The following RAB35 variants were observed in gnomAD, a reference collection of about 807,000 sequenced individuals.
The protein encoded by RAB35 is RAB35, member RAS oncogene family, also known as ras-related protein Rab-35.
Under a neutral mutation model 28.9 loss-of-function variants are expected in RAB35, and 4 were observed. The observed-to-expected ratio is 0.14, with a 90% CI of 0.07 to 0.32. The LOEUF is 0.32. RAB35 is among the 10% of genes least tolerant of loss of function. The pLI, the probability that RAB35 is intolerant of heterozygous loss-of-function variation, is 1.00. For synonymous variants in RAB35, 99 were observed against 105.1 expected (o/e 0.94, Z 0.35); for missense variants, 128 against 274.0 (o/e 0.47, Z 3.76).
rs772088035 is a variant in RAB35, at chr12:120,095,140, G to C, written c.*2105C>G. On this transcript the variant is annotated 3_prime_UTR_variant, in exon 6 of 6. Transcript: ENST00000229340. Reference sequence around the variant, plus strand: ...TTTATTTTTAGTATTTTTTTAAAAAGCATAATTAGAAACTTTCAATACAGA... The same window carrying C: ...TTTATTTTTAGTATTTTTTTAAAAACCATAATTAGAAACTTTCAATACAGA... 9 of 152,330 alleles carry C rather than the reference G, an allele frequency of 5.9e-5. No individual in the cohort carries two copies. Among genetic ancestry groups the C allele is most frequent in the Non-Finnish European group, 1.2e-4 (8 of 68,038 alleles). The allele number at this position is 152,330 out of a possible 1,614,324, so 9.4% of individuals were successfully genotyped here. A position where few individuals can be genotyped will look rare whatever the true frequency, so the allele number is the denominator to read the frequency against.
At chr12:120,102,698 C>T (rs1205546458) in intron 3 of RAB35, among the ~76,000 whole-genome samples, 1 of 152,214 alleles carries the variant, frequency 6.6e-6, no homozygotes, top group Admixed American at 6.5e-5. Context: ...ACACTTCCCA[C>T]CCTCGGGAGA....
At chr12:120,115,439 A>C (rs112553806) in intron 1 of RAB35, among the ~76,000 whole-genome samples, 3 of 152,058 alleles carry the variant, frequency 2.0e-5, no homozygotes, top group Non-Finnish European at 4.4e-5. Flanking sequence ...CTGGTCTACA[A>C]ACTGAGCATG....
At chr12:120,110,502 G>A (rs946297442) in intron 1 of RAB35, among the ~76,000 whole-genome samples, 5 of 151,842 alleles carry the variant, frequency 3.3e-5, no homozygotes, top group African/African-American at 4.8e-5. Context: ...CAATCTGCCC[G>A]CTTCTGCCTC....
intron 2 of RAB35, among the ~76,000 whole-genome samples, chr12:120,107,939 C>T (rs1430603201): frequency 6.8e-6 from 1 of 146,180 alleles, no homozygotes; most frequent in African/African-American, 2.6e-5. Flanking sequence ...GCTGAAAACA[C>T]AACCAGAAGT....
At chr12:120,099,000 A>C (rs1594237274) in intron 4 of RAB35, 30 bp downstream of exon 4, 1 of 1,613,802 alleles carries the variant, frequency 6.2e-7, no homozygotes. Context: ...CTCCCACCCA[A>C]CCCCGACCCG....
chr12:120,105,626 A>G (rs1292683251), intron 2 of RAB35, among the ~76,000 whole-genome samples: 1 of 152,134 alleles, frequency 6.6e-6, no homozygotes, highest in Non-Finnish European at 1.5e-5. Flanking sequence ...CCCCACAACA[A>G]AAATCACAGG....
At chr12:120,109,722 T>C (rs1020703477) in intron 1 of RAB35, among the ~76,000 whole-genome samples, 11 of 150,616 alleles carry the variant, frequency 7.3e-5, no homozygotes, top group Non-Finnish European at 1.5e-4. Flanking sequence ...CAAGTTGGTC[T>C]CAAACTTCTG....
chr12:120,097,167 CTGTCCCCCGAG>C lies in RAB35; in HGVS notation c.*67_*77del, dbSNP rs762452724. 1.3e-5 allele frequency: 21 copies of C among 1,613,122 alleles called. No individual in the cohort carries two copies. In the Admixed American group the frequency reaches 3.5e-4, roughly 27 times the overall value. On this transcript the variant is annotated 3_prime_UTR_variant, in exon 6 of 6. Coordinates refer to ENST00000229340, the MANE Select transcript of RAB35 (RefSeq NM_006861.7). ...TTTAAATAACGGCACGAAACTGAGACTGTCCCCCGAGGAACCTCCGTGGGCCTCGGGCTGGG... is the reference window on the plus strand; with the variant it reads ...TTTAAATAACGGCACGAAACTGAGACGAACCTCCGTGGGCCTCGGGCTGGG...
chr12:120,112,558 G>A (rs1876161430), intron 1 of RAB35, among the ~76,000 whole-genome samples: 1 of 151,466 alleles, frequency 6.6e-6, no homozygotes, highest in Non-Finnish European at 1.5e-5. Flanking sequence ...AGCCTCCCAA[G>A]TAGCTGAGAC....
chr12:120,108,070 A>G (rs976789015), intron 2 of RAB35, among the ~76,000 whole-genome samples: 1 of 152,022 alleles, frequency 6.6e-6, no homozygotes, highest in Non-Finnish European at 1.5e-5. Flanking sequence ...TCAGAAAGAC[A>G]CACGCTGACC....
chr12:120,112,015 C>G (rs1415843076), intron 1 of RAB35, among the ~76,000 whole-genome samples: 1 of 151,086 alleles, frequency 6.6e-6, no homozygotes, highest in Non-Finnish European at 1.5e-5. Flanking sequence ...GAGTCTCACT[C>G]TGTCGCCCAG....
At chr12:120,106,719 G>T (rs2139056089) in intron 2 of RAB35, among the ~76,000 whole-genome samples, 1 of 151,168 alleles carries the variant, frequency 6.6e-6, no homozygotes, top group African/African-American at 2.4e-5. Context: ...CTCCTGAGTA[G>T]CCGGGATTAC....
At chr12:120,106,596 T>C (rs1013334563) in intron 2 of RAB35, among the ~76,000 whole-genome samples, 3 of 148,348 alleles carry the variant, frequency 2.0e-5, no homozygotes, top group South Asian at 2.2e-4. Flanking sequence ...TTTTTCTTTT[T>C]TTTTTTTTTT....
chr12:120,111,433 G>A (rs1876112831), intron 1 of RAB35, among the ~76,000 whole-genome samples: 1 of 152,096 alleles, frequency 6.6e-6, no homozygotes, highest in Admixed American at 6.6e-5. Flanking sequence ...CGTAATCCCA[G>A]CACTTTGGGA....
At chr12:120,115,837 C>T (rs1876308251) in intron 1 of RAB35, among the ~76,000 whole-genome samples, 1 of 152,204 alleles carries the variant, frequency 6.6e-6, no homozygotes, top group African/African-American at 2.4e-5. Context: ...ACAGTGACAA[C>T]TCACTATGTG....
chr12:120,099,449 G>A (rs2139049326), intron 3 of RAB35: 1 of 473,586 alleles, frequency 2.1e-6, no homozygotes, highest in East Asian at 3.4e-5. Context: ...GTCTGCTGCA[G>A]GCTTGAAACA....
chr12:120,104,010 C>T (rs1043616425), intron 2 of RAB35, 61 bp from the exon 3 acceptor site: 144 of 1,592,288 alleles, frequency 9.0e-5, no homozygotes, highest in Middle Eastern at 5.3e-4. Context: ...CTGAGCCCCA[C>T]GCTGCACACA....
Position 120,103,399 on chromosome 12 carries a change from G to C in RAB35, c.227+427C>G, listed in dbSNP as rs1248609599. Among the ~76,000 whole-genome samples the C allele has an allele frequency of 6.6e-6, 1 of 152,162 alleles. No individual in the cohort carries two copies. The highest frequency in any genetic ancestry group is 2.4e-5 in the African/African-American group (1 of 41,430). ...TCCAAGGCATCAGTGCAGGTGACGG[G>C]AGCCTGCACAGGCCAACTCCAGCTG... On this transcript the variant is annotated intron_variant, in intron 3 of 5. Transcript: ENST00000229340. The surrounding 1 kb of genome is among the most constrained non-coding windows in gnomAD (Gnocchi z 6.1).
At chr12:120,105,916 CAA>C (rs61681731) in intron 2 of RAB35, among the ~76,000 whole-genome samples, 254 of 49,772 alleles carry the variant, frequency 5.1e-3, no homozygotes, top group African/African-American at 0.013. Flanking sequence ...GACTCCGTCT[CAA>C]AAAAAAAAAA....
Sources: gnomAD v4.1 joint callset for allele counts (sites outside exome capture counted in the v4.1 genomes callset) on GRCh38, gnomAD v4.1.1 for gene constraint, Gnocchi (gnomAD v3.1) non-coding constraint, MANE v1.5 for transcripts, NCBI Gene and HGNC (gene_info 2026-07-23, HGNC 2026-07-21) for gene names.